The following SCFD2 variants were observed in gnomAD, a reference collection of about 807,000 sequenced individuals.
SCFD2 encodes the protein sec1 family domain-containing protein 2.
SCFD2 carries 54 observed loss-of-function variants against 58.9 expected under a neutral mutation model. The observed-to-expected ratio is 0.92, with a 90% CI of 0.74 to 1.15. The LOEUF is 1.15. Among genes scored for constraint, SCFD2 ranks in the 50% most tolerant of loss-of-function variants. SCFD2 has a pLI of 0.00. For missense variants in SCFD2, 805 were observed against 836.6 expected (o/e 0.96, Z 0.47); for synonymous variants, 321 against 335.9 (o/e 0.96, Z 0.49).
chr4:52,960,311 C>T (rs1262351315), intron 5 of SCFD2, among the ~76,000 whole-genome samples: 3 of 152,052 alleles, frequency 2.0e-5, no homozygotes, highest in African/African-American at 7.2e-5. Context: ...AGTCATGCGG[C>T]CACCAGGCCC....
intron 7 of SCFD2, among the ~76,000 whole-genome samples, chr4:52,889,528 G>A (rs1001747167): frequency 6.6e-6 from 1 of 152,130 alleles, no homozygotes; most frequent in African/African-American, 2.4e-5. Flanking sequence ...TTACAACTTG[G>A]CTCTGGTTTA....
chr4:52,967,364 TA>T (rs1218253667), intron 5 of SCFD2, among the ~76,000 whole-genome samples: 1 of 152,168 alleles, frequency 6.6e-6, no homozygotes, highest in Non-Finnish European at 1.5e-5. Context: ...TCCTAGATCT[TA>T]CATTTTCAAA....
intron 5 of SCFD2, among the ~76,000 whole-genome samples, chr4:53,117,190 T>C (rs1223015286): frequency 6.6e-6 from 1 of 152,160 alleles, no homozygotes; most frequent in Non-Finnish European, 1.5e-5. Context: ...CCAGGAGAGC[T>C]GAACACAGGA....
chr4:52,986,491 ATTTT>A (rs369944739), intron 5 of SCFD2, among the ~76,000 whole-genome samples: 20 of 84,936 alleles, frequency 2.4e-4, no homozygotes, highest in African/African-American at 8.4e-4. Context: ...TCTTCATGAA[ATTTT>A]TTTTTTTTTT....
intron 4 of SCFD2, among the ~76,000 whole-genome samples, chr4:53,209,771 TA>T (rs879825318): frequency 6.6e-4 from 96 of 145,470 alleles, no homozygotes; most frequent in East Asian, 7.9e-4. Context: ...CTTTCTCCAT[TA>T]AAAAAAAAAA....
chr4:53,053,819 T>C, intron 5 of SCFD2, among the ~76,000 whole-genome samples: 5 of 152,294 alleles, frequency 3.3e-5, no homozygotes, highest in Admixed American at 3.3e-4. Context: ...AATTAATACA[T>C]AGTAGATGTA....
chr4:53,055,899 G>C (rs1027443417), intron 5 of SCFD2, among the ~76,000 whole-genome samples: 1 of 152,130 alleles, frequency 6.6e-6, no homozygotes, highest in Admixed American at 6.5e-5. Flanking sequence ...TCGCTGGCCA[G>C]AGCAGACCAC....
intron 2 of SCFD2, among the ~76,000 whole-genome samples, chr4:53,323,874 T>C (rs1307946963): frequency 1.3e-5 from 2 of 152,052 alleles, no homozygotes; most frequent in Non-Finnish European, 2.9e-5. Flanking sequence ...GCTCCAGGCC[T>C]AAGGAACAGA....
chr4:53,084,940 G>A (rs1425692704), intron 5 of SCFD2, among the ~76,000 whole-genome samples: 1 of 152,196 alleles, frequency 6.6e-6, no homozygotes, highest in African/African-American at 2.4e-5. Flanking sequence ...ATGCTGAATG[G>A]TGAAAAACTG....
chr4:52,937,869 A>G (rs544672327), intron 5 of SCFD2, among the ~76,000 whole-genome samples: 5 of 152,252 alleles, frequency 3.3e-5, no homozygotes, highest in African/African-American at 1.2e-4. Context: ...CTGAAAATTC[A>G]AGGTTGGTTA....
intron 6 of SCFD2, among the ~76,000 whole-genome samples, chr4:52,910,420 T>A (rs900375515): frequency 6.6e-6 from 1 of 152,150 alleles, no homozygotes; most frequent in Non-Finnish European, 1.5e-5. Flanking sequence ...GCTAAATTAG[T>A]ACCTACTTTA....
chr4:52,889,960 G>A (rs1272979416), intron 7 of SCFD2, among the ~76,000 whole-genome samples: 2 of 151,442 alleles, frequency 1.3e-5, no homozygotes, highest in East Asian at 1.9e-4. Flanking sequence ...CTTAGCACCT[G>A]GTAAGCTTTC....
intron 3 of SCFD2, among the ~76,000 whole-genome samples, chr4:53,292,439 A>G (rs1731872308): frequency 6.6e-6 from 1 of 152,322 alleles, no homozygotes; most frequent in Admixed American, 6.5e-5. Flanking sequence ...CAGCCAACAA[A>G]CATATGAAAA....
chr4:53,332,471 A>G (rs1338230668), intron 2 of SCFD2, among the ~76,000 whole-genome samples: 1 of 152,216 alleles, frequency 6.6e-6, no homozygotes, highest in Admixed American at 6.5e-5. Context: ...GTAATCCAGC[A>G]TATAAACAGA....
chr4:53,207,253 TG>T (rs1387855898), intron 4 of SCFD2, among the ~76,000 whole-genome samples: 2 of 150,284 alleles, frequency 1.3e-5, no homozygotes, highest in African/African-American at 4.9e-5. Context: ...TATGAACTTT[TG>T]GGGGACACAT....
intron 2 of SCFD2, among the ~76,000 whole-genome samples, chr4:53,327,893 G>A (rs1733260444): frequency 6.6e-6 from 1 of 152,126 alleles, no homozygotes; most frequent in South Asian, 2.1e-4. Flanking sequence ...CACTTTGGGA[G>A]GCCAACGTGG....
At chr4:52,973,074 TA>T (rs1393966969) in intron 5 of SCFD2, among the ~76,000 whole-genome samples, 1 of 152,106 alleles carries the variant, frequency 6.6e-6, no homozygotes, top group African/African-American at 2.4e-5. Flanking sequence ...AGGAAAGATC[TA>T]AAATTGACAC....
At chr4:53,096,900 A>G (rs1724654978) in intron 5 of SCFD2, among the ~76,000 whole-genome samples, 1 of 152,172 alleles carries the variant, frequency 6.6e-6, no homozygotes, top group Non-Finnish European at 1.5e-5. Context: ...TATAAGGTGT[A>G]AGGAAGGGAT....
intron 5 of SCFD2, among the ~76,000 whole-genome samples, chr4:53,046,465 T>C (rs1393298910): frequency 6.6e-6 from 1 of 152,142 alleles, no homozygotes; most frequent in Admixed American, 6.6e-5. Context: ...TCTATCTGCC[T>C]TGGCCTCCCA....
Sources: gnomAD v4.1 joint callset for allele counts (sites outside exome capture counted in the v4.1 genomes callset) on GRCh38, gnomAD v4.1.1 for gene constraint, MANE v1.5 for transcripts, NCBI Gene and HGNC (gene_info 2026-07-23, HGNC 2026-07-21) for gene names.